MRTFA: variants seen among roughly 807,000 people sequenced by gnomAD.
The protein encoded by MRTFA is myocardin-related transcription factor A.
In MRTFA, 20 loss-of-function variants were observed where a neutral mutation model predicts 83.5. The ratio of observed to expected loss-of-function variants is 0.24; its 90% CI spans 0.17 to 0.35. The LOEUF (loss-of-function observed/expected upper bound fraction) is 0.35. Among genes scored for constraint, MRTFA ranks in the 10% least tolerant of loss-of-function variants. The pLI, the probability that MRTFA is intolerant of heterozygous loss-of-function variation, is 1.00. For synonymous variants in MRTFA, 659 were observed against 541.2 expected (o/e 1.22, Z -3.02); for missense variants, 1,200 against 1,224.7 (o/e 0.98, Z 0.30).
intron 3 of MRTFA, among the ~76,000 whole-genome samples, chr22:40,535,288 G>A (rs189602305): frequency 6.7e-6 from 1 of 150,046 alleles, no homozygotes; most frequent in East Asian, 2.0e-4. Context: ...AGGTTGAGAA[G>A]ATTGAGTCAT....
At chr22:40,427,811 T>A (rs1424454562) in intron 7 of MRTFA, among the ~76,000 whole-genome samples, 1 of 152,116 alleles carries the variant, frequency 6.6e-6, no homozygotes, top group Non-Finnish European at 1.5e-5. Flanking sequence ...ACCAAGTGAT[T>A]AGAGGATTAG....
rs145558896 is a variant in MRTFA at position 40,457,000 on chromosome 22, C to T, written c.307+6221G>A. Among the ~76,000 whole-genome samples, 323 of 152,194 alleles carry T rather than the reference C, an allele frequency of 2.1e-3. 1 individual carries two copies. Among genetic ancestry groups the T allele is most frequent in the African/African-American group, 7.4e-3 (307 of 41,512 alleles). ...GTACTCAGGAAAAAGAATGTTGAAA[C>T]CTAGGTTGCATATTTGGTGAAGAAT... On this transcript the variant is annotated intron_variant, in intron 4 of 14. Coordinates refer to ENST00000355630, the MANE Select transcript of MRTFA (RefSeq NM_020831.6).
intron 3 of MRTFA, among the ~76,000 whole-genome samples, chr22:40,550,886 T>A (rs185388780): frequency 1.2e-3 from 180 of 149,242 alleles, no homozygotes; most frequent in African/African-American, 4.3e-3. Flanking sequence ...AATTTTGCTC[T>A]TGTTGCCCAG....
rs557959154 is a variant in MRTFA, at chr22:40,431,433, C to T, written c.411G>A (p.Ser137=). 12 of 1,614,100 alleles carry T rather than the reference C, an allele frequency of 7.4e-6. No individual in the cohort carries two copies. Among genetic ancestry groups the T allele is most frequent in the African/African-American group, 4.0e-5 (3 of 75,052 alleles). The change falls in exon 6 of 15, where the codon TCG becomes TCA. Residue 137 remains serine (S), a synonymous_variant. Transcript: ENST00000355630. ...CCAAAATGTGCATCCTGACCAGCTCCGATCTCTCCGGCCGGGAACGAATCT... is the reference window on the plus strand; with the variant it reads ...CCAAAATGTGCATCCTGACCAGCTCTGATCTCTCCGGCCGGGAACGAATCT...
chr22:40,518,194 G>A (rs1300725246), intron 3 of MRTFA, among the ~76,000 whole-genome samples: 1 of 152,126 alleles, frequency 6.6e-6, no homozygotes, highest in African/African-American at 2.4e-5. Context: ...GATCCAACCT[G>A]AGGAGAGGCT....
At chr22:40,570,670 T>C (rs2055777202) in intron 2 of MRTFA, among the ~76,000 whole-genome samples, 1 of 148,896 alleles carries the variant, frequency 6.7e-6, no homozygotes, top group Non-Finnish European at 1.5e-5. Context: ...TATGAGATGG[T>C]TGGAGTACAA....
chr22:40,518,943 T>C (rs757731230), intron 3 of MRTFA, among the ~76,000 whole-genome samples: 6 of 151,920 alleles, frequency 3.9e-5, no homozygotes, highest in Admixed American at 6.6e-5. Flanking sequence ...ATTCTAGACA[T>C]ATGTCTCTTT....
chr22:40,490,081 T>A (rs145434997), intron 3 of MRTFA, among the ~76,000 whole-genome samples: 1 of 151,648 alleles, frequency 6.6e-6, no homozygotes, highest in East Asian at 1.9e-4. Context: ...TGCCTATAGG[T>A]TTTTTTTGCA....
At chr22:40,539,572 G>A (rs544090522) in intron 3 of MRTFA, among the ~76,000 whole-genome samples, 2 of 128,912 alleles carry the variant, frequency 1.6e-5, no homozygotes, top group Non-Finnish European at 3.6e-5. Flanking sequence ...GCACGATCTC[G>A]GCTCACTGCA....
intron 4 of MRTFA, among the ~76,000 whole-genome samples, chr22:40,454,785 G>A (rs1438158172): frequency 2.6e-5 from 4 of 152,176 alleles, no homozygotes; most frequent in Non-Finnish European, 5.9e-5. Flanking sequence ...TCGTATGCAT[G>A]TATGTATATA....
At chr22:40,605,717 C>T (rs1569349215) in intron 1 of MRTFA, among the ~76,000 whole-genome samples, 1 of 152,174 alleles carries the variant, frequency 6.6e-6, no homozygotes, top group Non-Finnish European at 1.5e-5. Flanking sequence ...AAAATCATCT[C>T]TATATTCCAT....
At chr22:40,619,889 C>CAAAAAAA (rs1213944103) in intron 1 of MRTFA, among the ~76,000 whole-genome samples, 1 of 52,454 alleles carries the variant, frequency 1.9e-5, no homozygotes, top group Admixed American at 2.1e-4. Flanking sequence ...AACTCCGTCT[C>CAAAAAAA]AAAAAAAAAA....
chr22:40,514,732 G>A (rs1020749520), intron 3 of MRTFA, among the ~76,000 whole-genome samples: 5 of 150,854 alleles, frequency 3.3e-5, no homozygotes, highest in African/African-American at 7.3e-5. Flanking sequence ...CACCCGCTTC[G>A]GCCTCCCAAA....
intron 4 of MRTFA, among the ~76,000 whole-genome samples, chr22:40,450,368 T>C (rs904468325): frequency 6.6e-6 from 1 of 152,152 alleles, no homozygotes; most frequent in Admixed American, 6.6e-5. Context: ...CTGAAGCGCT[T>C]ACAAATGACA....
At chr22:40,448,279 C>T (rs2053421508) in intron 4 of MRTFA, among the ~76,000 whole-genome samples, 1 of 152,174 alleles carries the variant, frequency 6.6e-6, no homozygotes, top group East Asian at 1.9e-4. Context: ...CACTGCACTC[C>T]AGCCTGGGCA....
At chr22:40,566,676 A>G (rs1200188620) in intron 2 of MRTFA, among the ~76,000 whole-genome samples, 1 of 152,124 alleles carries the variant, frequency 6.6e-6, no homozygotes, top group Non-Finnish European at 1.5e-5. Flanking sequence ...TAGTAAAAAT[A>G]CAAACAATTA....
rs373315045 is a variant in MRTFA at position 40,424,030 on chromosome 22, G to A, written c.777+176C>T. Among the ~76,000 whole-genome samples, 136 of 152,314 alleles carry A rather than the reference G, an allele frequency of 8.9e-4. 1 individual carries two copies. In the Middle Eastern group the frequency reaches 0.02, roughly 23 times the overall value. On this transcript the variant is annotated intron_variant, in intron 8 of 14. Transcript: ENST00000355630. ...CTCTGGCTGCTGGAGAGGGGCCACT[G>A]CCCACATCTCCCACCACCGGGGAGC...
At chr22:40,492,665 G>A (rs1349241882) in intron 3 of MRTFA, among the ~76,000 whole-genome samples, 1 of 152,122 alleles carries the variant, frequency 6.6e-6, no homozygotes, top group East Asian at 1.9e-4. Flanking sequence ...GGAACAAGGA[G>A]CTATAACACA....
chr22:40,510,772 G>A (rs1046982903), intron 3 of MRTFA, among the ~76,000 whole-genome samples: 4 of 152,092 alleles, frequency 2.6e-5, no homozygotes, highest in Admixed American at 2.0e-4. Flanking sequence ...AAGGGGCACC[G>A]AAGTTTCTGG....
Sources: allele counts gnomAD v4.1 joint callset (sites outside exome capture counted in the v4.1 genomes callset), GRCh38; gene constraint gnomAD v4.1.1; transcripts MANE v1.5; gene names NCBI Gene and HGNC (gene_info 2026-07-23, HGNC 2026-07-21).